Variants in PSAP observed in about 807,000 individuals in gnomAD.
The protein encoded by PSAP is prosaposin.
In PSAP, 25 loss-of-function variants were observed where a neutral mutation model predicts 66.0. The observed-to-expected ratio is 0.38, with a 90% confidence interval of 0.28 to 0.53. PSAP has a LOEUF of 0.53. Among genes scored for constraint, PSAP ranks in the 20% least tolerant of loss-of-function variants. The pLI is 0.83. For synonymous variants in PSAP, 273 were observed against 258.9 expected, an observed-to-expected ratio of 1.05 and a Z score of -0.52; for missense variants, 649 against 668.8, an observed-to-expected ratio of 0.97 and a Z score of 0.33.
chr10:71,849,862 C>T (rs1842894518), intron 1 of PSAP, among the ~76,000 whole-genome samples: 1 of 152,048 alleles, frequency 6.6e-6, no homozygotes, highest in African/African-American at 2.4e-5. Context: ...ATAACTGGAC[C>T]AGAAAACCCT....
intron 7 of PSAP, chr10:71,823,976 A>T (rs1842352544): frequency 1.8e-6 from 2 of 1,107,928 alleles, no homozygotes; most frequent in Admixed American, 2.3e-5. Flanking sequence ...AATTAAAACA[A>T]CAATCAAGCA....
In PSAP at chr10:71,829,067, C is replaced by A; in HGVS notation, c.386G>T (p.Gly129Val). 6.2e-7 allele frequency: 1 copy of A among 1,613,932 alleles called. No individual in the cohort carries two copies. The highest frequency in any genetic ancestry group is 8.5e-7 in the Non-Finnish European group (1 of 1,179,922). Reference sequence around the variant, plus strand: ...GAGGTTGAGAGCAGAGCACACCTCCCCAGGACGGCTCTGGTGGGATGGAAA... The same window carrying A: ...GAGGTTGAGAGCAGAGCACACCTCCACAGGACGGCTCTGGTGGGATGGAAA... ...DIIKGEMSRP[G>V]EVCSALNLCE... The change falls in exon 5 of 14, where the codon GGG becomes GTG. Residue 129 changes from glycine to valine, a missense_variant. Coordinates refer to ENST00000394936, the MANE Select transcript of PSAP (RefSeq NM_002778.4).
Position 71,819,834 on chromosome 10 carries a change from G to C in PSAP, c.1072C>G (p.Gln358Glu). 1 of 1,614,136 alleles carries C rather than the reference G, an allele frequency of 6.2e-7. No homozygotes were observed. The highest frequency in any genetic ancestry group is 8.5e-7 in the Non-Finnish European group (1 of 1,180,012). The stretch of plus-strand genomic sequence containing the variant: ...CTGCCGTACGTGTCCACCACCTCCT[G>C]GCACTCTTCCGACAGGGACTTCGGC... ...KLPKSLSEEC[Q>E]EVVDTYGSSI... Residue 358 changes from glutamine (Q) to glutamate (E), a missense_variant, in exon 10 of 14, where the codon CAG (glutamine) becomes GAG (glutamate). By Grantham distance (29) the Gln-to-Glu change is conservative. Transcript: ENST00000394936.
At chr10:71,832,556 C>T (rs1296809129) in intron 2 of PSAP, among the ~76,000 whole-genome samples, 2 of 152,158 alleles carry the variant, frequency 1.3e-5, no homozygotes, top group African/African-American at 4.8e-5. Flanking sequence ...CACCTATGAA[C>T]TTAGCTGCAT....
In PSAP at chr10:71,817,002, C is replaced by T. The variant is rs1406083603; in HGVS notation, c.*439G>A. On this transcript the variant is annotated 3_prime_UTR_variant, in exon 14 of 14. Transcript: ENST00000394936. ...TGCTGCTTTGTTCAACTGAGAGGCC[C>T]AGGAAAGCGGGGAGGGTCCCTGATC... The T allele has an allele frequency of 5.0e-5, 12 of 240,912 alleles. No homozygotes were observed. Among genetic ancestry groups the T allele is most frequent in the Non-Finnish European group, 9.8e-5 (12 of 122,072 alleles). The allele number at this position is 240,912 out of a possible 1,614,324, so 14.9% of individuals were successfully genotyped here.
At chr10:71,846,667 G>C (rs976216520) in intron 1 of PSAP, among the ~76,000 whole-genome samples, 4 of 150,840 alleles carry the variant, frequency 2.7e-5, no homozygotes, top group Non-Finnish European at 5.9e-5. Flanking sequence ...GGGAGGTGGA[G>C]GTTGCAGTGA....
chr10:71,829,177 T>G, intron 4 of PSAP, 100 bp from the exon 5 acceptor site: 1 of 1,149,798 alleles, frequency 8.7e-7, no homozygotes, highest in Non-Finnish European at 1.3e-6. Flanking sequence ...TTTAAATCCC[T>G]TAAAAGAAAC....
Position 71,816,432 on chromosome 10 carries a change from C to A in PSAP, c.*1009G>T, listed in dbSNP as rs779550915. On this transcript the variant is annotated 3_prime_UTR_variant, in exon 14 of 14. Coordinates refer to ENST00000394936, the MANE Select transcript of PSAP (RefSeq NM_002778.4). Reference sequence around the variant, plus strand: ...CCTGGCAACCAGAAGTGGACAGAAGCGTGGGTGCCCAAGTGGGCCACAGAC... The same window carrying A: ...CCTGGCAACCAGAAGTGGACAGAAGAGTGGGTGCCCAAGTGGGCCACAGAC... 8.5e-6 allele frequency: 4 copies of A among 471,220 alleles called. No homozygotes were observed. Among genetic ancestry groups the A allele is most frequent in the South Asian group, 6.2e-5 (4 of 64,574 alleles). 29.2% of individuals were successfully genotyped at this position (471,220 alleles called of 1,614,324 possible).
intron 5 of PSAP, among the ~76,000 whole-genome samples, chr10:71,828,379 G>A (rs187075632): frequency 2.0e-5 from 3 of 152,288 alleles, no homozygotes; most frequent in Admixed American, 6.5e-5. Context: ...AGGTTGGCCA[G>A]GCACAGTGGC....
At chr10:71,848,455 T>C in intron 1 of PSAP, among the ~76,000 whole-genome samples, 1 of 152,122 alleles carries the variant, frequency 6.6e-6, no homozygotes, top group East Asian at 1.9e-4. Context: ...CACCTCCAGG[T>C]CTTCATTCCT....
intron 1 of PSAP, among the ~76,000 whole-genome samples, chr10:71,840,367 A>G (rs1188296843): frequency 6.6e-6 from 1 of 152,220 alleles, no homozygotes; most frequent in Non-Finnish European, 1.5e-5. Flanking sequence ...GGCATTTCTC[A>G]GAGGAATTCA....
intron 2 of PSAP, among the ~76,000 whole-genome samples, chr10:71,833,773 C>A (rs895321181): frequency 6.6e-6 from 1 of 152,192 alleles, no homozygotes. Flanking sequence ...CACATTAATA[C>A]GCTACATTTA....
intron 6 of PSAP, 113 bp from the exon 7 acceptor site, chr10:71,826,006 G>A: frequency 1.2e-6 from 1 of 868,398 alleles, no homozygotes; most frequent in Non-Finnish European, 1.9e-6. Context: ...TATCAAGCAA[G>A]TTTCTAAAGT....
At chr10:71,829,266 A>G (rs1842464422) in intron 4 of PSAP, among the ~76,000 whole-genome samples, 189 bp from the exon 5 acceptor site, 1 of 152,222 alleles carries the variant, frequency 6.6e-6, no homozygotes, top group Admixed American at 6.5e-5. Context: ...CTAACCACAC[A>G]GTGGCCCCTA....
intron 1 of PSAP, among the ~76,000 whole-genome samples, chr10:71,844,496 T>C (rs1185504012): frequency 6.6e-6 from 1 of 152,084 alleles, no homozygotes; most frequent in Non-Finnish European, 1.5e-5. Flanking sequence ...TGAAACCCTG[T>C]GTGTACTAAA....
At chr10:71,844,272 A>C (rs1842780436) in intron 1 of PSAP, among the ~76,000 whole-genome samples, 1 of 152,262 alleles carries the variant, frequency 6.6e-6, no homozygotes, top group South Asian at 2.1e-4. Context: ...GCCCTAGATA[A>C]ATGTTTTCCA....
chr10:71,817,286 A>G lies in PSAP; in HGVS notation c.*155T>C. 1 of 850,588 alleles carries G rather than the reference A, an allele frequency of 1.2e-6. No individual in the cohort carries two copies. The highest frequency in any genetic ancestry group is 1.3e-5 in the South Asian group (1 of 75,048). The allele number at this position is 850,588 out of a possible 1,614,324, so 52.7% of individuals were successfully genotyped here. A position where few individuals can be genotyped will look rare whatever the true frequency, so the allele number is the denominator to read the frequency against. On this transcript the variant is annotated 3_prime_UTR_variant, in exon 14 of 14. Transcript: ENST00000394936. ...CCAGGGGCTAGGGGCTCCCTTGCAG[A>G]CAGCAATGCTACAATAAAGGACACA...
intron 13 of PSAP, among the ~76,000 whole-genome samples, chr10:71,817,917 G>A (rs1195839357): frequency 6.6e-6 from 1 of 152,258 alleles, no homozygotes; most frequent in Non-Finnish European, 1.5e-5. Flanking sequence ...GGGGCTGGCG[G>A]TGGAGATGGG....
chr10:71,824,475 G>C lies in PSAP; in HGVS notation c.777+1362C>G, dbSNP rs547841927. ...TTCCAGCTTTAGTTCTCTATAATAA[G>C]GGGAAAGGCAGGGATATGCATATAT... is the stretch of plus-strand genomic sequence containing the variant. On this transcript the variant is annotated intron_variant, in intron 7 of 13. Transcript: ENST00000394936. Among the ~76,000 whole-genome samples the C allele has an allele frequency of 9.0e-4, 137 of 152,304 alleles. No individual in the cohort carries two copies. The Middle Eastern group carries it at 0.01, about 11-fold the overall frequency.
Sources: allele counts gnomAD v4.1 joint callset (sites outside exome capture counted in the v4.1 genomes callset), GRCh38; gene constraint gnomAD v4.1.1; transcripts MANE v1.5; gene names NCBI Gene and HGNC (gene_info 2026-07-23, HGNC 2026-07-21).